The following TULP4 variants were observed in gnomAD, a reference collection of about 807,000 sequenced individuals.
The protein encoded by TULP4 is TUB like protein 4, also known as tubby-related protein 4.
Under a neutral mutation model 129.0 loss-of-function variants are expected in TULP4, and 16 were observed. That is an observed-to-expected ratio of 0.12 (90% CI 0.08 to 0.19). The LOEUF is 0.19. Among genes scored for constraint, TULP4 ranks in the 10% least tolerant of loss-of-function variants. The probability of loss-of-function intolerance (pLI) is 1.00; values close to 1 mark genes in which losing one functional copy is unlikely to be tolerated. For synonymous variants in TULP4, 998 were observed against 854.0 expected (o/e 1.17, Z -2.94); for missense variants, 1,842 against 2,059.1 (o/e 0.89, Z 2.04).
chr6:158,470,127 G>T (rs181262289), intron 6 of TULP4, among the ~76,000 whole-genome samples: 43 of 152,352 alleles, frequency 2.8e-4, no homozygotes, highest in African/African-American at 9.9e-4. Flanking sequence ...AGCCGTGCAG[G>T]AACAATGGCA....
At chr6:158,418,091 G>A (rs1268474002) in intron 2 of TULP4, among the ~76,000 whole-genome samples, 1 of 146,434 alleles carries the variant, frequency 6.8e-6, no homozygotes, top group Non-Finnish European at 1.5e-5. Flanking sequence ...GCCTTTTTGT[G>A]TGTGTGTGTT....
At chr6:158,501,559 C>T (rs531893412) in intron 12 of TULP4, 119 bp from the exon 13 acceptor site, 349 of 1,046,632 alleles carry the variant, frequency 3.3e-4, no homozygotes, top group Non-Finnish European at 4.4e-4. Flanking sequence ...GTCTCTGTCT[C>T]TGGCAATTTG....
intron 1 of TULP4, among the ~76,000 whole-genome samples, chr6:158,360,424 G>T (rs1780759911): frequency 6.6e-6 from 1 of 152,102 alleles, no homozygotes; most frequent in African/African-American, 2.4e-5. Context: ...TGCCCAAGAG[G>T]CTGTATTCTT....
chr6:158,467,616 CCA>C (rs1237894755), intron 6 of TULP4, among the ~76,000 whole-genome samples: 52 of 152,168 alleles, frequency 3.4e-4, no homozygotes, highest in African/African-American at 1.3e-3. Context: ...CACTTTGCAG[CCA>C]CAGTCTTTGT....
intron 11 of TULP4, among the ~76,000 whole-genome samples, 181 bp from the exon 12 acceptor site, chr6:158,498,488 T>G (rs1780377955): frequency 6.6e-6 from 1 of 152,232 alleles, no homozygotes. Context: ...GTGGCTAGTA[T>G]GGTCGCATTG....
At chr6:158,268,395 A>T (rs1282515721) in intron 1 of TULP4, among the ~76,000 whole-genome samples, 2 of 152,150 alleles carry the variant, frequency 1.3e-5, no homozygotes, top group Non-Finnish European at 2.9e-5. Flanking sequence ...CAGATGGCTC[A>T]TTCATCATCC....
chr6:158,371,674 A>G (rs1041280100), intron 1 of TULP4, among the ~76,000 whole-genome samples: 8 of 152,204 alleles, frequency 5.3e-5, no homozygotes, highest in African/African-American at 1.9e-4. Context: ...AGTAAGGCCA[A>G]ATACTTTAAG....
chr6:158,438,538 G>A (rs576045309), intron 3 of TULP4, among the ~76,000 whole-genome samples: 4 of 152,000 alleles, frequency 2.6e-5, no homozygotes, highest in South Asian at 2.1e-4. Context: ...GTAGTATAAC[G>A]CTTTGCTTTC....
At chr6:158,358,329 ATAT>A (rs1226335153) in intron 1 of TULP4, among the ~76,000 whole-genome samples, 1 of 152,200 alleles carries the variant, frequency 6.6e-6, no homozygotes, top group Non-Finnish European at 1.5e-5. Context: ...GTACTTGGTG[ATAT>A]TATGCTCAGA....
At chr6:158,443,521 T>C (rs1225444002) in intron 3 of TULP4, among the ~76,000 whole-genome samples, 1 of 152,204 alleles carries the variant, frequency 6.6e-6, no homozygotes, top group Non-Finnish European at 1.5e-5. Flanking sequence ...AAATGGAGCC[T>C]GAAAGATTTG....
At chr6:158,349,249 G>A (rs1780418396) in intron 1 of TULP4, among the ~76,000 whole-genome samples, 1 of 134,748 alleles carries the variant, frequency 7.4e-6, no homozygotes, top group South Asian at 2.6e-4. Context: ...TCCCAGATGG[G>A]GCGGCCGGGC....
intron 1 of TULP4, among the ~76,000 whole-genome samples, chr6:158,284,032 T>A (rs1342034852): frequency 6.6e-6 from 1 of 152,168 alleles, no homozygotes; most frequent in African/African-American, 2.4e-5. Flanking sequence ...CTCTAAGCCC[T>A]TAGAAATACT....
At chr6:158,486,069 T>C (rs1780057379) in intron 8 of TULP4, among the ~76,000 whole-genome samples, 1 of 152,120 alleles carries the variant, frequency 6.6e-6, no homozygotes, top group Admixed American at 6.5e-5. Flanking sequence ...GGGAATAGAA[T>C]GAATATATTT....
At chr6:158,341,924 C>G (rs1006100277) in intron 1 of TULP4, among the ~76,000 whole-genome samples, 1 of 152,038 alleles carries the variant, frequency 6.6e-6, no homozygotes, top group African/African-American at 2.4e-5. Flanking sequence ...TGATGTGATT[C>G]CCCGCCGCCT....
chr6:158,384,433 A>G lies in TULP4; in HGVS notation c.253-28632A>G, dbSNP rs1412841704. ...CTCCCGAGTAGCTGGGACTACAGGCACCCACCACCCCACCCGGCTAATTTT... is the reference window on the plus strand; with the variant it reads ...CTCCCGAGTAGCTGGGACTACAGGCGCCCACCACCCCACCCGGCTAATTTT... On this transcript the variant is annotated intron_variant, in intron 1 of 13. Transcript: ENST00000367097. 6.6e-5 allele frequency among the ~76,000 whole-genome samples: 10 copies of G among 151,642 alleles called. No homozygotes were observed. The East Asian group carries it at 1.6e-3, about 24-fold the overall frequency.
intron 1 of TULP4, among the ~76,000 whole-genome samples, chr6:158,335,020 G>A (rs896259081): frequency 1.3e-5 from 2 of 152,142 alleles, no homozygotes; most frequent in African/African-American, 4.8e-5. Context: ...GCTCAGGCCT[G>A]TAGTCCCAGG....
intron 1 of TULP4, among the ~76,000 whole-genome samples, chr6:158,273,299 G>C (rs970687377): frequency 2.0e-5 from 3 of 152,046 alleles, no homozygotes; most frequent in African/African-American, 7.2e-5. Flanking sequence ...CCTCCTCCCT[G>C]TTCATTCTTC....
intron 1 of TULP4, among the ~76,000 whole-genome samples, chr6:158,299,216 GA>G (rs1316223979): frequency 6.6e-6 from 1 of 152,140 alleles, no homozygotes. Flanking sequence ...GTAGGATGAT[GA>G]TCCTCGTCAT....
chr6:158,322,519 T>G lies in TULP4; in HGVS notation c.252+8251T>G, dbSNP rs146375350. Among the ~76,000 whole-genome samples the G allele has an allele frequency of 4.9e-3, 741 of 152,226 alleles. 8 individuals carry two copies. Among genetic ancestry groups the G allele is most frequent in the African/African-American group, 0.017 (711 of 41,502 alleles). On this transcript the variant is annotated intron_variant, in intron 1 of 13. Transcript: ENST00000367097. ...TGAAAATGGTATATAAGTGATGAAA[T>G]AGTAAAGTACTCTATACCCTTTGTA...
Sources: allele counts gnomAD v4.1 joint callset (sites outside exome capture counted in the v4.1 genomes callset), GRCh38; gene constraint gnomAD v4.1.1; transcripts MANE v1.5; gene names NCBI Gene and HGNC (gene_info 2026-07-23, HGNC 2026-07-21).